Variants in CSF2RA observed in about 807,000 individuals in gnomAD.
The protein encoded by CSF2RA is colony stimulating factor 2 receptor subunit alpha, also known as granulocyte-macrophage colony-stimulating factor receptor subunit alpha.
CSF2RA carries 42 observed loss-of-function variants against 51.6 expected under a neutral mutation model. The ratio of observed to expected loss-of-function variants is 0.81; its 90% CI spans 0.64 to 1.05. The LOEUF is 1.05. CSF2RA is among the 50% of genes least tolerant of loss of function. CSF2RA has a pLI of 0.00. For missense variants in CSF2RA, 530 were observed against 501.1 expected, an observed-to-expected ratio of 1.06 and a Z score of -0.55; for synonymous variants, 222 against 193.0, an observed-to-expected ratio of 1.15 and a Z score of -1.24.
intron 7 of CSF2RA, among the ~76,000 whole-genome samples, chrX:1,292,110 C>T (rs193266964): frequency 2.7e-5 from 4 of 150,880 alleles, no homozygotes; most frequent in Non-Finnish European, 4.4e-5. Context: ...CCACCTGGAC[C>T]CAGTGTAGAC....
chrX:1,292,295 G>A (rs1261079858), intron 7 of CSF2RA, among the ~76,000 whole-genome samples: 1 of 152,176 alleles, frequency 6.6e-6, no homozygotes, highest in Non-Finnish European at 1.5e-5. Flanking sequence ...GTGTGAAGGC[G>A]ACCAGCCCTT....
intron 2 of CSF2RA, among the ~76,000 whole-genome samples, chrX:1,279,238 C>A: frequency 6.6e-6 from 1 of 151,112 alleles, no homozygotes; most frequent in East Asian, 1.9e-4. Flanking sequence ...GTAGTCCCAG[C>A]TACTCGGAGG....
rs1353776410 is a variant in CSF2RA at position 1,285,934 on chromosome X, C to A, written c.219+14C>A. 6 of 1,613,664 alleles carry A rather than the reference C, an allele frequency of 3.7e-6. No individual in the cohort carries two copies. Among genetic ancestry groups the A allele is most frequent in the Non-Finnish European group, 5.1e-6 (6 of 1,179,824 alleles). ...GTGGAACCCAGGGTGAGACGAATTT[C>A]CCATTCTCAACCCCTGTCCTTTACA... On this transcript the variant is annotated intron_variant, in intron 4 of 12. Coordinates refer to ENST00000381529, the MANE Select transcript of CSF2RA (RefSeq NM_172245.4).
chrX:1,300,092 A>G lies in CSF2RA; in HGVS notation c.811-399A>G, dbSNP rs561796396. Among the ~76,000 whole-genome samples, 16 of 143,066 alleles carry G rather than the reference A, an allele frequency of 1.1e-4. No homozygotes were observed. The South Asian group carries it at 3.1e-3, about 28-fold the overall frequency. The allele number at this position is 143,066 out of a possible 152,430, so 93.9% of individuals were successfully genotyped here. ...AAATTAGCCGGGCGTGGTGGTGGGC[A>G]CCTGTAGTCCCAACTACTGGGGAGG... is the stretch of plus-strand genomic sequence containing the variant. On this transcript the variant is annotated intron_variant, in intron 9 of 12. Transcript: ENST00000381529.
intron 12 of CSF2RA, chrX:1,305,902 G>C: frequency 1.0e-6 from 1 of 959,960 alleles, no homozygotes; most frequent in Non-Finnish European, 1.6e-6. Context: ...CCAACGTGGT[G>C]AAACCCCATC....
intron 3 of CSF2RA, among the ~76,000 whole-genome samples, chrX:1,283,929 T>C (rs1345732601): frequency 6.6e-6 from 1 of 151,844 alleles, no homozygotes; most frequent in Non-Finnish European, 1.5e-5. Context: ...TAGCTCATTG[T>C]GGTTTTGATT....
intron 3 of CSF2RA, among the ~76,000 whole-genome samples, chrX:1,285,081 A>T (rs1372938825): frequency 6.6e-6 from 1 of 151,746 alleles, no homozygotes; most frequent in Non-Finnish European, 1.5e-5. Flanking sequence ...AATTTTTTTT[A>T]AAGAGATGCG....
intron 2 of CSF2RA, chrX:1,282,248 T>C: frequency 5.3e-6 from 1 of 189,652 alleles, no homozygotes; most frequent in Non-Finnish European, 1.1e-5. Flanking sequence ...AAAACAAAAG[T>C]TATGAAAATG....
intron 3 of CSF2RA, chrX:1,285,549 G>C: frequency 1.7e-6 from 1 of 583,178 alleles, no homozygotes; most frequent in Non-Finnish European, 3.0e-6. Context: ...ACAAAAATTA[G>C]CTGGGCATGG....
chrX:1,279,429 A>G (rs2089611211), intron 2 of CSF2RA, among the ~76,000 whole-genome samples: 1 of 152,144 alleles, frequency 6.6e-6, no homozygotes, highest in Admixed American at 6.6e-5. Context: ...TTAGTGACTC[A>G]GCAGAGGGGG....
the CSF2RA span, among the ~76,000 whole-genome samples, chrX:1,323,487 G>A: frequency 6.6e-5 from 10 of 152,004 alleles, no homozygotes; most frequent in Admixed American, 4.6e-4. Context: ...TCAGGCGACC[G>A]GATTCTCACA....
At chrX:1,321,219 C>T in the CSF2RA span, among the ~76,000 whole-genome samples, 2 of 151,930 alleles carry the variant, frequency 1.3e-5, no homozygotes, top group South Asian at 2.1e-4. Flanking sequence ...CCTGTCATCC[C>T]AACACTTTGG....
intron 9 of CSF2RA, among the ~76,000 whole-genome samples, chrX:1,299,044 A>T (rs28438623): frequency 6.6e-6 from 1 of 151,896 alleles, no homozygotes; most frequent in Non-Finnish European, 1.5e-5. Flanking sequence ...ATCCTGAACC[A>T]GAGGATGCAG....
chrX:1,304,360 A>C (rs74739083), intron 11 of CSF2RA, among the ~76,000 whole-genome samples: 1 of 22,846 alleles, frequency 4.4e-5, no homozygotes, highest in Non-Finnish European at 7.1e-5. Context: ...AGATTGCACC[A>C]CTGCACTCCA....
chrX:1,285,818 G>T lies in CSF2RA; in HGVS notation c.117G>T (p.Arg39Ser). The T allele has an allele frequency of 3.1e-6, 5 of 1,613,538 alleles. No homozygotes were observed. Among genetic ancestry groups the T allele is most frequent in the Non-Finnish European group, 3.4e-6 (4 of 1,179,802 alleles). Residue 39 changes from arginine (R) to serine (S), a missense_variant, in exon 4 of 13, where the codon AGG (arginine) becomes AGT (serine). Transcript: ENST00000381529. ...CACCAGCCTCTAGTCTCAATGTGAG[G>T]TTTGACTCCAGGACGATGAATTTAA... ...TVAPASSLNV[R>S]FDSRTMNLSW...
chrX:1,316,288 AGAT>A, the CSF2RA span, among the ~76,000 whole-genome samples: 1 of 148,344 alleles, frequency 6.7e-6, no homozygotes, highest in Non-Finnish European at 1.5e-5. Flanking sequence ...ATAGATAGAT[AGAT>A]AGATAGATAG....
chrX:1,269,214 A>G (rs754931291), intron 1 of CSF2RA, among the ~76,000 whole-genome samples: 3 of 152,320 alleles, frequency 2.0e-5, no homozygotes, highest in African/African-American at 4.8e-5. Flanking sequence ...GAAAAAAACA[A>G]TTGATTAATG....
chrX:1,289,794 GTTTTGTGT>G (rs1337894422), intron 6 of CSF2RA, among the ~76,000 whole-genome samples: 5 of 113,960 alleles, frequency 4.4e-5, no homozygotes, highest in African/African-American at 1.6e-4. Flanking sequence ...ATTTTGTTTT[GTTTTGTGT>G]TTTTGTGTTT....
chrX:1,282,397 T>G (rs1163466070), intron 2 of CSF2RA: 2 of 541,650 alleles, frequency 3.7e-6, no homozygotes, highest in Admixed American at 6.2e-5. Flanking sequence ...AGCTATGGGT[T>G]CCCTCATGAA....
Sources: gnomAD v4.1 joint callset for allele counts (sites outside exome capture counted in the v4.1 genomes callset) on GRCh38, gnomAD v4.1.1 for gene constraint, MANE v1.5 for transcripts, NCBI Gene and HGNC (gene_info 2026-07-23, HGNC 2026-07-21) for gene names.